IGSF10: variants seen among roughly 807,000 people sequenced by gnomAD.
IGSF10 encodes the protein calvaria mechanical force protein 608.
IGSF10 carries 126 observed loss-of-function variants against 128.2 expected under a neutral mutation model. The ratio of observed to expected loss-of-function variants is 0.98; its 90% CI spans 0.85 to 1.14. The LOEUF (loss-of-function observed/expected upper bound fraction) is 1.14, where lower values mean the gene tolerates loss of function less well. IGSF10 is among the 50% of genes most tolerant of loss of function. The probability of loss-of-function intolerance (pLI) is 0.00; values close to 1 mark genes in which losing one functional copy is unlikely to be tolerated. For missense variants in IGSF10, 3,295 were observed against 3,149.8 expected, an observed-to-expected ratio of 1.05 and a Z score of -1.10; for synonymous variants, 1,185 against 1,146.2, an observed-to-expected ratio of 1.03 and a Z score of -0.68.
chr3:151,498,346 C>T, the IGSF10 span, among the ~76,000 whole-genome samples: 1 of 152,118 alleles, frequency 6.6e-6, no homozygotes, highest in African/African-American at 2.4e-5. Flanking sequence ...TACATTCCAT[C>T]AATACCTAAT....
At chr3:151,464,040 G>A (rs907118265), upstream of IGSF10, among the ~76,000 whole-genome samples, 1 of 152,090 alleles carries the variant, frequency 6.6e-6, no homozygotes, top group Non-Finnish European at 1.5e-5. Flanking sequence ...CAATGATAAT[G>A]ACTTTATTTT....
chr3:151,506,336 C>A, the IGSF10 span, among the ~76,000 whole-genome samples: 5 of 152,088 alleles, frequency 3.3e-5, no homozygotes, highest in African/African-American at 4.8e-5. Flanking sequence ...ATGGACTCCA[C>A]CAATTACCCT....
At chr3:151,614,082 A>C in the IGSF10 span, among the ~76,000 whole-genome samples, 1 of 152,234 alleles carries the variant, frequency 6.6e-6, no homozygotes, top group South Asian at 2.1e-4. Context: ...GCTCATCATC[A>C]CTGGCCATCA....
the IGSF10 span, among the ~76,000 whole-genome samples, chr3:151,519,063 A>C: frequency 2.6e-5 from 4 of 152,078 alleles, no homozygotes; most frequent in African/African-American, 9.6e-5. Flanking sequence ...GGTTCTGATG[A>C]GATGGGAGAT....
the IGSF10 span, among the ~76,000 whole-genome samples, chr3:151,547,097 T>C: frequency 6.6e-6 from 1 of 152,134 alleles, no homozygotes. Flanking sequence ...TTCTAAATAA[T>C]ATGTTTATAT....
Position 151,438,091 on chromosome 3 carries a change from T to G in IGSF10, c.6470A>C (p.Asp2157Ala), listed in dbSNP as rs200302825. 6.2e-6 allele frequency: 10 copies of G among 1,614,110 alleles called. No individual in the cohort carries two copies. Among genetic ancestry groups the G allele is most frequent in the Middle Eastern group, 1.6e-4 (1 of 6,084 alleles). ...NKTNKRIKAG[D>A]TAVLDCEVTG... ...GACCTCACAGTCAAGGACAGCTGTG[T>G]CTCCAGCTTTGATTCTCTTGTTGGT... Residue 2157 changes from aspartate (D) to alanine (A), a missense_variant, in exon 8 of 8, where the codon GAC becomes GCC. By Grantham distance (126) the Asp-to-Ala change is moderately radical. Transcript: ENST00000282466.
the IGSF10 span, among the ~76,000 whole-genome samples, chr3:151,551,675 AC>A: frequency 6.7e-6 from 1 of 150,096 alleles, no homozygotes; most frequent in Non-Finnish European, 1.5e-5. Flanking sequence ...ACACACACAC[AC>A]ACACACACAC....
Position 151,437,437 on chromosome 3 carries a change from T to C in IGSF10, c.7124A>G (p.Asn2375Ser), listed in dbSNP as rs141886027. The C allele has an allele frequency of 2.6e-4, 414 of 1,614,236 alleles. No individual in the cohort carries two copies. The highest frequency in any genetic ancestry group is 3.4e-4 in the Non-Finnish European group (403 of 1,180,032). Reference protein sequence around the residue: ...PPPEIIWILPNGTRFSNGPQS... With the variant: ...PPPEIIWILPSGTRFSNGPQS... ...TGGTCCATTGGAAAATCGTGTGCCA[T>C]TTGGTAAAATCCAGATTATTTCAGG... The change falls in exon 8 of 8, where the codon AAT (asparagine) becomes AGT (serine). Residue 2375 changes from asparagine (N) to serine (S), a missense_variant. Coordinates refer to ENST00000282466, the MANE Select transcript of IGSF10 (RefSeq NM_178822.5).
chr3:151,444,480 G>A (rs1349310327), intron 6 of IGSF10, among the ~76,000 whole-genome samples: 1 of 151,964 alleles, frequency 6.6e-6, no homozygotes. Flanking sequence ...GCTAATTTAT[G>A]TATTTTTTTA....
At chr3:151,587,089 G>C in the IGSF10 span, among the ~76,000 whole-genome samples, 2 of 152,002 alleles carry the variant, frequency 1.3e-5, no homozygotes, top group Non-Finnish European at 1.5e-5. Context: ...TGTTCTGACA[G>C]TGTGTTGGAA....
chr3:151,603,218 G>T, the IGSF10 span, among the ~76,000 whole-genome samples: 1 of 152,172 alleles, frequency 6.6e-6, no homozygotes, highest in African/African-American at 2.4e-5. Context: ...AAAACAGAAG[G>T]CCTCACTGTG....
chr3:151,534,005 C>T, the IGSF10 span, among the ~76,000 whole-genome samples: 2 of 152,130 alleles, frequency 1.3e-5, no homozygotes, highest in Non-Finnish European at 2.9e-5. Flanking sequence ...ATAATATGAA[C>T]AGACACTTCT....
At chr3:151,619,430 ATGTGTGTGTGTGTGTGTGTG>A in the IGSF10 span, among the ~76,000 whole-genome samples, 1 of 144,238 alleles carries the variant, frequency 6.9e-6, no homozygotes, top group African/African-American at 2.6e-5. Flanking sequence ...ATTACTTTTA[ATGTGTGTGTGTGTGTGTGTG>A]TGTGTGTGTG....
In IGSF10 at chr3:151,446,495, G is replaced by A. The variant is rs1453292363; in HGVS notation, c.3486C>T (p.Tyr1162=). The part of the protein sequence containing the change: ...MEKTHKVNAS[Y]PRVSSTNEAK... ...CTTCATTGGTGCTAGACACACGTGG[G>A]TAACTGGCGTTTACTTTGTGAGTTT... Residue 1162 remains tyrosine (Y), a synonymous_variant, in exon 6 of 8, where the codon TAC becomes TAT. Coordinates refer to ENST00000282466, the MANE Select transcript of IGSF10 (RefSeq NM_178822.5). 2.5e-6 allele frequency: 4 copies of A among 1,614,194 alleles called. No homozygotes were observed. The highest frequency in any genetic ancestry group is 3.4e-6 in the Non-Finnish European group (4 of 1,180,036).
chr3:151,534,455 C>T, the IGSF10 span, among the ~76,000 whole-genome samples: 3 of 152,132 alleles, frequency 2.0e-5, no homozygotes, highest in South Asian at 2.1e-4. Context: ...ACATATACAC[C>T]ATGGAATACT....
At position 151,446,657 on chromosome 3, in the gene IGSF10, A is replaced by C; in HGVS notation, c.3324T>G (p.Asn1108Lys). 6.2e-7 allele frequency: 1 copy of C among 1,614,000 alleles called. No homozygotes were observed. Among genetic ancestry groups the C allele is most frequent in the Non-Finnish European group, 8.5e-7 (1 of 1,179,950 alleles). Residue 1108 changes from asparagine (N) to lysine (K), a missense_variant, in exon 6 of 8, where the codon AAT becomes AAG. Asn to Lys is a moderately conservative substitution (Grantham distance 94, BLOSUM62 0). Coordinates refer to ENST00000282466, the MANE Select transcript of IGSF10 (RefSeq NM_178822.5). ...GTTTGTTCTCAAGTAGTAATAGTGG[A>C]TTCTGGACTAGAGTTGTAGACTCTT... The part of the protein sequence containing the change: ...PSEESTTLVQ[N>K]PLLLLENKPS...
At chr3:151,524,236 C>G in the IGSF10 span, among the ~76,000 whole-genome samples, 1 of 152,078 alleles carries the variant, frequency 6.6e-6, no homozygotes, top group African/African-American at 2.4e-5. Flanking sequence ...CCTGAAAGAG[C>G]TAAAAGTAGA....
At chr3:151,504,297 C>G in the IGSF10 span, among the ~76,000 whole-genome samples, 2 of 152,120 alleles carry the variant, frequency 1.3e-5, no homozygotes, top group Admixed American at 1.3e-4. Flanking sequence ...ATTTTTCTCA[C>G]TGTTATAAAT....
At chr3:151,593,128 AT>A in the IGSF10 span, among the ~76,000 whole-genome samples, 1 of 152,106 alleles carries the variant, frequency 6.6e-6, no homozygotes, top group South Asian at 2.1e-4. Flanking sequence ...CTAATTAATT[AT>A]TTTTTAATTT....
Sources: gnomAD v4.1 joint callset for allele counts (sites outside exome capture counted in the v4.1 genomes callset) on GRCh38, gnomAD v4.1.1 for gene constraint, MANE v1.5 for transcripts, NCBI Gene and HGNC (gene_info 2026-07-23, HGNC 2026-07-21) for gene names.